FNIP1: variants seen among roughly 807,000 people sequenced by gnomAD.
FNIP1 encodes the protein folliculin interacting protein 1.
Under a neutral mutation model 124.5 loss-of-function variants are expected in FNIP1, and 40 were observed. The ratio of observed to expected loss-of-function variants is 0.32; its 90% CI spans 0.25 to 0.42. The LOEUF is 0.42. FNIP1 is among the 10% of genes least tolerant of loss of function. The probability of loss-of-function intolerance (pLI) is 1.00; values close to 1 mark genes in which losing one functional copy is unlikely to be tolerated. For missense variants in FNIP1, 1,176 were observed against 1,403.7 expected, an observed-to-expected ratio of 0.84 and a Z score of 2.59; for synonymous variants, 472 against 470.6, an observed-to-expected ratio of 1.00 and a Z score of -0.04.
At chr5:131,727,926 T>G (rs182280447) in intron 3 of FNIP1, among the ~76,000 whole-genome samples, 61 of 152,360 alleles carry the variant, frequency 4.0e-4, no homozygotes, top group Middle Eastern at 3.4e-3. Context: ...CATTTCTCCT[T>G]CGCTTATGAA....
intron 2 of FNIP1, among the ~76,000 whole-genome samples, chr5:131,732,904 A>G (rs1770147700): frequency 6.6e-6 from 1 of 152,198 alleles, no homozygotes; most frequent in African/African-American, 2.4e-5. Flanking sequence ...CACTGAATCT[A>G]TAAATTACCT....
At chr5:131,789,129 C>T (rs1411606439) in intron 1 of FNIP1, among the ~76,000 whole-genome samples, 2 of 152,058 alleles carry the variant, frequency 1.3e-5, no homozygotes, top group African/African-American at 4.8e-5. Flanking sequence ...TATGGATGAG[C>T]CTGGAGGACA....
At chr5:131,685,058 C>T (rs912809797) in intron 11 of FNIP1, among the ~76,000 whole-genome samples, 6 of 152,110 alleles carry the variant, frequency 3.9e-5, no homozygotes, top group African/African-American at 9.7e-5. Flanking sequence ...TTCGATAAAA[C>T]GTATTAATAA....
chr5:131,787,369 G>A (rs781044474), intron 1 of FNIP1, among the ~76,000 whole-genome samples: 2 of 152,272 alleles, frequency 1.3e-5, no homozygotes, highest in South Asian at 2.1e-4. Context: ...GTGAGAACTC[G>A]AGTTTGAAAA....
chr5:131,796,772 TGGAGCCC>T (rs1189330454), intron 1 of FNIP1, 51 bp downstream of exon 1: 23 of 1,496,812 alleles, frequency 1.5e-5, no homozygotes, highest in Non-Finnish European at 2.1e-5. Flanking sequence ...CCAACACCCC[TGGAGCCC>T]GGAGCCCACA....
chr5:131,724,080 G>GTGCCACAT (rs1478955910), intron 3 of FNIP1, among the ~76,000 whole-genome samples: 1 of 152,178 alleles, frequency 6.6e-6, no homozygotes, highest in Non-Finnish European at 1.5e-5. Context: ...TAGTGTATAT[G>GTGCCACAT]TGCCACATTT....
At chr5:131,792,094 T>C (rs1772424919) in intron 1 of FNIP1, among the ~76,000 whole-genome samples, 2 of 152,244 alleles carry the variant, frequency 1.3e-5, no homozygotes, top group Non-Finnish European at 1.5e-5. Context: ...AAACCTGTTA[T>C]GAAGATATTA....
intron 1 of FNIP1, among the ~76,000 whole-genome samples, chr5:131,757,270 G>A (rs1580814404): frequency 2.0e-5 from 3 of 152,280 alleles, no homozygotes; most frequent in African/African-American, 7.2e-5. Context: ...GTACAGCCAA[G>A]AAGAACACAT....
At chr5:131,688,596 T>C (rs1319591078) in intron 11 of FNIP1, among the ~76,000 whole-genome samples, 1 of 150,792 alleles carries the variant, frequency 6.6e-6, no homozygotes, top group Admixed American at 6.6e-5. Context: ...ATATAATATA[T>C]ATGATTATTG....
chr5:131,775,712 G>A (rs6877503), intron 1 of FNIP1, among the ~76,000 whole-genome samples: 16,466 of 151,762 alleles, frequency 0.11, 2,149 homozygotes, highest in African/African-American at 0.31. Flanking sequence ...ATTTTTAGTA[G>A]AGACGGGGTT....
Position 131,690,000 on chromosome 5 carries a change from C to T in FNIP1, c.1202+8917G>A, listed in dbSNP as rs556861604. 1.6e-3 allele frequency among the ~76,000 whole-genome samples: 239 copies of T among 152,110 alleles called. 1 individual carries two copies. The highest frequency in any genetic ancestry group is 5.4e-3 in the African/African-American group (223 of 41,506). On this transcript the variant is annotated intron_variant, in intron 11 of 17. Coordinates refer to ENST00000510461, the MANE Select transcript of FNIP1 (RefSeq NM_133372.3). ...CTTTGGGAGGCCGAGGAGGGTGGAT[C>T]GCGAGGTCAGGAGATCGAGGCCATC...
In FNIP1 at chr5:131,709,214, G is replaced by A. The variant is rs753901833; in HGVS notation, c.765C>T (p.Gly255=). The A allele has an allele frequency of 2.5e-6, 4 of 1,613,344 alleles. No individual in the cohort carries two copies. The highest frequency in any genetic ancestry group is 1.3e-5 in the African/African-American group (1 of 75,016). ...GRELNEDRDS[G]IARSASLSSL... ...ACGTGACATTACCAGACCGTGCTAT[G>A]CCACTGTCTCTGTCCTCATTGAGCT... Residue 255 remains glycine (G), a synonymous_variant, in exon 8 of 18, where the codon GGC becomes GGT. Coordinates refer to ENST00000510461, the MANE Select transcript of FNIP1 (RefSeq NM_133372.3).
chr5:131,758,162 A>C (rs1403040619), intron 1 of FNIP1, among the ~76,000 whole-genome samples: 1 of 152,240 alleles, frequency 6.6e-6, no homozygotes, highest in African/African-American at 2.4e-5. Context: ...ATCACAACAG[A>C]GTGGCTCTTT....
intron 3 of FNIP1, among the ~76,000 whole-genome samples, chr5:131,722,939 C>T (rs1561674199): frequency 6.6e-6 from 1 of 152,190 alleles, no homozygotes; most frequent in Admixed American, 6.5e-5. Context: ...CTACCTTGGC[C>T]TCCCAAAGTG....
intron 16 of FNIP1, among the ~76,000 whole-genome samples, chr5:131,647,982 A>C (rs749514280): frequency 6.6e-6 from 1 of 152,008 alleles, no homozygotes; most frequent in African/African-American, 2.4e-5. Context: ...AACAGTTTGC[A>C]AAAGTTCACA....
intron 7 of FNIP1, among the ~76,000 whole-genome samples, 153 bp from the exon 8 acceptor site, chr5:131,709,425 T>C (rs1580774302): frequency 6.6e-6 from 1 of 152,212 alleles, no homozygotes; most frequent in Admixed American, 6.5e-5. Context: ...CAAGAGCTAT[T>C]ACTCAGTTGA....
chr5:131,795,083 G>GT (rs1195837311), intron 1 of FNIP1, among the ~76,000 whole-genome samples: 12 of 152,054 alleles, frequency 7.9e-5, no homozygotes, highest in African/African-American at 1.7e-4. Flanking sequence ...AACCAGAATG[G>GT]TTTTTTTTCC....
Position 131,672,194 on chromosome 5 carries a change from C to A in FNIP1, c.2250G>T (p.Lys750Asn), listed in dbSNP as rs1219027500. The stretch of plus-strand genomic sequence containing the variant: ...TAGAATCCCCAATCAGGAAAGTAAC[C>A]TTTGTCTGGGCAGCCTCACAAGAAA... ...ASFSCEAAQT[K>N]VTFLIGDSMS... The change falls in exon 14 of 18, where the codon AAG (lysine) becomes AAT (asparagine). Residue 750 changes from lysine (K) to asparagine (N), a missense_variant. By Grantham distance (94) the Lys-to-Asn change is moderately conservative. Coordinates refer to ENST00000510461, the MANE Select transcript of FNIP1 (RefSeq NM_133372.3). 1.2e-6 allele frequency: 2 copies of A among 1,614,164 alleles called. No homozygotes were observed. The highest frequency in any genetic ancestry group is 1.7e-6 in the Non-Finnish European group (2 of 1,180,032).
At chr5:131,726,413 T>G (rs1409417320) in intron 3 of FNIP1, among the ~76,000 whole-genome samples, 1 of 152,122 alleles carries the variant, frequency 6.6e-6, no homozygotes, top group Non-Finnish European at 1.5e-5. Flanking sequence ...TTCTTCCTGG[T>G]TTAGTCTTGG....
Sources: allele counts gnomAD v4.1 joint callset (sites outside exome capture counted in the v4.1 genomes callset), GRCh38; gene constraint gnomAD v4.1.1; transcripts MANE v1.5; gene names NCBI Gene and HGNC (gene_info 2026-07-23, HGNC 2026-07-21).